The following MAPK9 variants were observed in gnomAD, a reference collection of about 807,000 sequenced individuals.
MAPK9 encodes the protein Jun kinase.
MAPK9 carries 30 observed loss-of-function variants against 57.1 expected under a neutral mutation model. That is an observed-to-expected ratio of 0.53 (90% confidence interval 0.39 to 0.71). The LOEUF (loss-of-function observed/expected upper bound fraction) is 0.71, where lower values mean the gene tolerates loss of function less well. Among genes scored for constraint, MAPK9 ranks in the 30% least tolerant of loss-of-function variants. The probability of loss-of-function intolerance (pLI) is 0.00; values close to 1 mark genes in which losing one functional copy is unlikely to be tolerated. For synonymous variants in MAPK9, 155 were observed against 177.0 expected (o/e 0.88, Z 0.99); for missense variants, 362 against 521.0 (o/e 0.69, Z 2.97).
At chr5:180,285,457 C>T (rs1762652968) in intron 1 of MAPK9, among the ~76,000 whole-genome samples, 2 of 152,178 alleles carry the variant, frequency 1.3e-5, no homozygotes, top group African/African-American at 4.8e-5. Context: ...TTTCCTCTAA[C>T]GATGACAACG....
chr5:180,283,218 C>G (rs1043713473), intron 1 of MAPK9, among the ~76,000 whole-genome samples: 2 of 152,194 alleles, frequency 1.3e-5, no homozygotes, highest in Non-Finnish European at 2.9e-5. Context: ...TTCCCAGCAG[C>G]CAGGTATGGC....
chr5:180,261,598 T>C, intron 5 of MAPK9, 86 bp downstream of exon 5: 2 of 1,246,592 alleles, frequency 1.6e-6, no homozygotes, highest in Non-Finnish European at 2.2e-6. Flanking sequence ...AGCCTAACAA[T>C]TTTTTTTAAA....
intron 2 of MAPK9, among the ~76,000 whole-genome samples, chr5:180,275,662 C>A (rs897944953): frequency 6.6e-6 from 1 of 152,228 alleles, no homozygotes; most frequent in Non-Finnish European, 1.5e-5. Context: ...GGGGAAAATG[C>A]TGAGCATGGG....
chr5:180,261,683 C>T lies in MAPK9; in HGVS notation c.450+1G>A. ...AATAAAATTAATACATCACCACTTA[C>T]TCTATGAATTATACCAGCTGAATGC... On this transcript the variant is annotated splice_donor_variant, in intron 5 of 11. Coordinates refer to ENST00000452135, the MANE Select transcript of MAPK9 (RefSeq NM_002752.5). LOFTEE classifies it high-confidence loss of function. 1 of 1,603,324 alleles carries T rather than the reference C, an allele frequency of 6.2e-7. No individual in the cohort carries two copies. The highest frequency in any genetic ancestry group is 8.5e-7 in the Non-Finnish European group (1 of 1,175,558).
rs1300290256 is a variant in MAPK9, at chr5:180,238,365, T to C, written c.1099A>G (p.Ser367Gly). 1 of 1,612,798 alleles carries C rather than the reference T, an allele frequency of 6.2e-7. No individual in the cohort carries two copies. Among genetic ancestry groups the C allele is most frequent in the Non-Finnish European group, 8.5e-7 (1 of 1,178,888 alleles). The part of the protein sequence containing the change: ...YKEVMDWEER[S>G]KNGVVKDQPS... ...TGATCTTTTACAACACCATTCTTGC[T>C]TCTTTCTTCCCAATCCATGACTTCT... is the stretch of plus-strand genomic sequence containing the variant. Residue 367 changes from serine to glycine, a missense_variant, in exon 11 of 12, where the codon AGC becomes GGC. By Grantham distance (56) the Ser-to-Gly change is moderately conservative. Around this residue, in one of 3 missense-constraint regions of MAPK9, gnomAD observed 199 missense variants for 251.3 expected, o/e 0.79. Transcript: ENST00000452135.
intron 9 of MAPK9, among the ~76,000 whole-genome samples, 157 bp from the exon 10 acceptor site, chr5:180,240,144 A>G (rs1012517005): frequency 1.3e-5 from 2 of 152,260 alleles, no homozygotes; most frequent in African/African-American, 4.8e-5. Flanking sequence ...ATGTGATATT[A>G]TATCAACTTT....
intron 3 of MAPK9, 31 bp from the exon 4 acceptor site, chr5:180,264,870 A>G: frequency 6.8e-7 from 1 of 1,474,664 alleles, no homozygotes; most frequent in Non-Finnish European, 9.2e-7. Flanking sequence ...ATACTTCAAT[A>G]TGTCAGATTA....
At chr5:180,253,959 ATC>A in intron 5 of MAPK9, among the ~76,000 whole-genome samples, 1 of 112,330 alleles carries the variant, frequency 8.9e-6, no homozygotes, top group Non-Finnish European at 1.8e-5. Flanking sequence ...TAATGCTTCA[ATC>A]TCTTTTTTTT....
intron 4 of MAPK9, among the ~76,000 whole-genome samples, chr5:180,264,391 A>C (rs1760315649): frequency 6.6e-6 from 1 of 152,216 alleles, no homozygotes; most frequent in Admixed American, 6.5e-5. Context: ...GATTCTACTT[A>C]AGATTCTGGA....
intron 5 of MAPK9, among the ~76,000 whole-genome samples, chr5:180,253,873 CTG>C (rs1411756619): frequency 7.2e-6 from 1 of 139,676 alleles, no homozygotes; most frequent in Non-Finnish European, 1.6e-5. Flanking sequence ...AAGGTGACAC[CTG>C]TGGCTGCCTG....
At chr5:180,266,205 T>C (rs1163883675) in intron 3 of MAPK9, among the ~76,000 whole-genome samples, 1 of 151,580 alleles carries the variant, frequency 6.6e-6, no homozygotes, top group Non-Finnish European at 1.5e-5. Flanking sequence ...AGTAACAACC[T>C]CACCAATAAA....
chr5:180,283,905 G>C (rs1762521578), intron 1 of MAPK9, among the ~76,000 whole-genome samples: 1 of 152,122 alleles, frequency 6.6e-6, no homozygotes, highest in East Asian at 1.9e-4. Flanking sequence ...ACTCCAGCCT[G>C]GGCCACAGCG....
At chr5:180,283,714 T>A (rs1361145000) in intron 1 of MAPK9, among the ~76,000 whole-genome samples, 2 of 152,200 alleles carry the variant, frequency 1.3e-5, no homozygotes, top group Admixed American at 6.5e-5. Context: ...CGTGGGGGAA[T>A]CACTTGAGGT....
chr5:180,268,012 G>A lies in MAPK9; in HGVS notation c.252+1268C>T, dbSNP rs1428280670. Among the ~76,000 whole-genome samples the A allele has an allele frequency of 2.0e-5, 3 of 152,014 alleles. No individual in the cohort carries two copies. The East Asian group carries it at 5.8e-4, about 29-fold the overall frequency. ...TTAATTTTTTGTACTTTTTAGTAGAGATGGGGTTTCACCATGTTAGCCAGG... is the reference window on the plus strand; with the variant it reads ...TTAATTTTTTGTACTTTTTAGTAGAAATGGGGTTTCACCATGTTAGCCAGG... On this transcript the variant is annotated intron_variant, in intron 3 of 11. Transcript: ENST00000452135.
chr5:180,245,809 A>C (rs1026445626), intron 7 of MAPK9, among the ~76,000 whole-genome samples: 6 of 152,170 alleles, frequency 3.9e-5, no homozygotes, highest in Non-Finnish European at 7.4e-5. Context: ...CAGGGACAGG[A>C]GTTCCTTTTC....
intron 4 of MAPK9, chr5:180,263,067 C>A (rs1402006558): frequency 6.6e-6 from 1 of 152,378 alleles, no homozygotes; most frequent in Admixed American, 6.5e-5. Flanking sequence ...CCCAGTTCCA[C>A]CTTGATGTCT....
At chr5:180,264,925 G>T in intron 3 of MAPK9, 86 bp from the exon 4 acceptor site, 1 of 1,104,748 alleles carries the variant, frequency 9.1e-7, no homozygotes, top group Non-Finnish European at 1.2e-6. Flanking sequence ...CATTAAGACG[G>T]GAAAAAAATC....
intron 1 of MAPK9, among the ~76,000 whole-genome samples, chr5:180,290,175 T>G (rs1000838760): frequency 3.3e-5 from 5 of 152,360 alleles, no homozygotes; most frequent in Non-Finnish European, 7.3e-5. Flanking sequence ...CACCTTCTTC[T>G]AGAAAACTGC....
chr5:180,262,045 A>G (rs1200201285), intron 4 of MAPK9, among the ~76,000 whole-genome samples: 1 of 152,118 alleles, frequency 6.6e-6, no homozygotes, highest in East Asian at 1.9e-4. Flanking sequence ...CTTTTATAGC[A>G]TGGTAAATAG....
Sources: allele counts gnomAD v4.1 joint callset (sites outside exome capture counted in the v4.1 genomes callset), GRCh38; gene constraint gnomAD v4.1.1; regional missense constraint gnomAD v4.1.1; transcripts MANE v1.5; gene names NCBI Gene and HGNC (gene_info 2026-07-23, HGNC 2026-07-21).